Variants in DDHD2 observed in about 807,000 individuals in gnomAD.
The protein encoded by DDHD2 is DDHD domain containing 2.
Under a neutral mutation model 91.2 loss-of-function variants are expected in DDHD2, and 62 were observed. That is an observed-to-expected ratio of 0.68 (90% CI 0.55 to 0.84). The LOEUF (loss-of-function observed/expected upper bound fraction) is 0.84, where lower values mean the gene tolerates loss of function less well. DDHD2 is among the 40% of genes least tolerant of loss of function. DDHD2 has a pLI of 0.00. For missense variants in DDHD2, 740 were observed against 846.9 expected (o/e 0.87, Z 1.57); for synonymous variants, 271 against 293.9 (o/e 0.92, Z 0.80).
intron 10 of DDHD2, 95 bp downstream of exon 10, chr8:38,247,930 C>A: frequency 2.2e-6 from 2 of 920,646 alleles, no homozygotes; most frequent in Non-Finnish European, 1.6e-6. Flanking sequence ...ACTTTTTAGT[C>A]ATAAATACTT....
chr8:38,266,406 A>G (rs899955970), downstream of DDHD2: 13 of 1,179,386 alleles, frequency 1.1e-5, no homozygotes, highest in Middle Eastern at 2.9e-4. Flanking sequence ...GTATGTTTTT[A>G]TTTATTTATT....
At chr8:38,266,227 C>T (rs150786544), downstream of DDHD2, 5 of 1,613,814 alleles carry the variant, frequency 3.1e-6, no homozygotes, top group Non-Finnish European at 3.4e-6. Flanking sequence ...ACAGAACCTC[C>T]AAGATTTCCC....
At chr8:38,264,996 C>T (rs748888014), downstream of DDHD2, 9 of 1,307,190 alleles carry the variant, frequency 6.9e-6, no homozygotes, top group Admixed American at 5.0e-5. Context: ...TCGCCGGGCA[C>T]GGTGACTCAC....
downstream of DDHD2, chr8:38,264,316 A>G (rs1807262735): frequency 3.7e-6 from 3 of 815,890 alleles, no homozygotes; most frequent in Non-Finnish European, 5.2e-6. Context: ...TAATTTTTGT[A>G]TTTTTAGTAG....
At chr8:38,254,075 C>A (rs1259431916) in intron 16 of DDHD2, among the ~76,000 whole-genome samples, 80 of 133,490 alleles carry the variant, frequency 6.0e-4, no homozygotes, top group African/African-American at 7.2e-4. Flanking sequence ...GACCCTGTCT[C>A]AAAAAAAAAA....
intron 6 of DDHD2, among the ~76,000 whole-genome samples, 160 bp downstream of exon 6, chr8:38,240,524 G>A (rs1201405893): frequency 6.6e-6 from 1 of 152,170 alleles, no homozygotes; most frequent in East Asian, 1.9e-4. Context: ...TGAAGTGCTA[G>A]GAAATTCCTG....
At chr8:38,238,613 C>G in intron 5 of DDHD2, 3 of 988,482 alleles carry the variant, frequency 3.0e-6, no homozygotes, top group Non-Finnish European at 3.6e-6. Context: ...GGTAGGGTCA[C>G]TTATGGTTTT....
intron 1 of DDHD2, chr8:38,268,671 G>A (rs1309133860): frequency 4.9e-5 from 70 of 1,431,580 alleles, no homozygotes; most frequent in Admixed American, 5.7e-5. Flanking sequence ...CAGAGCGCCC[G>A]GGAAAACGTT....
chr8:38,256,839 C>T lies in DDHD2; in HGVS notation c.2054+3121C>T, dbSNP rs533524305. The stretch of plus-strand genomic sequence containing the variant: ...TATGGAAGTGTATTTTTAAAAGAAA[C>T]TGCCAAACTGTTTTGCCACCAGCAG... On this transcript the variant is annotated intron_variant, in intron 16 of 17. Transcript: ENST00000397166. Among the ~76,000 whole-genome samples the T allele has an allele frequency of 1.2e-4, 19 of 152,306 alleles. No individual in the cohort carries two copies. In the South Asian group the frequency reaches 3.1e-3, roughly 25 times the overall value.
downstream of DDHD2, chr8:38,266,998 T>G (rs1807716632): frequency 7.5e-7 from 1 of 1,334,978 alleles, no homozygotes; most frequent in Non-Finnish European, 9.6e-7. Context: ...AAAGGTATTT[T>G]TATTGCTAGT....
chr8:38,241,566 G>A lies in DDHD2; in HGVS notation c.713-684G>A, dbSNP rs549830350. Among the ~76,000 whole-genome samples, 7 of 151,570 alleles carry A rather than the reference G, an allele frequency of 4.6e-5. No individual in the cohort carries two copies. The South Asian group carries it at 6.3e-4, about 14-fold the overall frequency. ...CTCCTGAGTAGCTGGGATTACAGGCGCACACCACCATGCCTGGCTAATTTT... is the reference window on the plus strand; with the variant it reads ...CTCCTGAGTAGCTGGGATTACAGGCACACACCACCATGCCTGGCTAATTTT... On this transcript the variant is annotated intron_variant, in intron 6 of 17. Coordinates refer to ENST00000397166, the MANE Select transcript of DDHD2 (RefSeq NM_015214.3).
chr8:38,246,897 G>A (rs1460270365), intron 9 of DDHD2: 1 of 152,272 alleles, frequency 6.6e-6, no homozygotes, highest in Non-Finnish European at 1.5e-5. Flanking sequence ...GCTAAATGAA[G>A]TTTGCATATG....
chr8:38,254,624 C>T (rs142023013), intron 16 of DDHD2, among the ~76,000 whole-genome samples: 61 of 152,216 alleles, frequency 4.0e-4, no homozygotes, highest in African/African-American at 1.4e-3. Flanking sequence ...TCCACCTCTG[C>T]CTCCCAAAGT....
chr8:38,271,257 A>T (rs1331739367), exon 2 of DDHD2: 1 of 152,202 alleles, frequency 6.6e-6, no homozygotes, highest in Non-Finnish European at 1.5e-5. Flanking sequence ...AGTTTACAAA[A>T]CAATGCTTTC....
At chr8:38,233,294 C>CTTCAT in intron 2 of DDHD2, 80 bp downstream of exon 2, 1 of 1,110,512 alleles carries the variant, frequency 9.0e-7, no homozygotes, top group Non-Finnish European at 1.3e-6. Context: ...ATAGTGAGTG[C>CTTCAT]TATGAAAACC....
chr8:38,253,827 C>A, intron 16 of DDHD2, 109 bp downstream of exon 16: 3 of 1,174,246 alleles, frequency 2.6e-6, no homozygotes, highest in Non-Finnish European at 3.6e-6. Flanking sequence ...GGCTTATAAT[C>A]TCAGCACTTT....
chr8:38,252,680 T>C (rs766430514), intron 13 of DDHD2, 42 bp from the exon 14 acceptor site: 2 of 1,410,744 alleles, frequency 1.4e-6, no homozygotes, highest in South Asian at 2.4e-5. Context: ...TTCCAGACTG[T>C]GCTTAGCAGA....
chr8:38,247,583 T>G, intron 9 of DDHD2, 130 bp from the exon 10 acceptor site: 1 of 530,460 alleles, frequency 1.9e-6, no homozygotes. Flanking sequence ...AATTTATATC[T>G]TGCATAAATG....
At chr8:38,241,663 C>G (rs1417554459) in intron 6 of DDHD2, among the ~76,000 whole-genome samples, 1 of 151,830 alleles carries the variant, frequency 6.6e-6, no homozygotes, top group South Asian at 2.1e-4. Context: ...ATAAAATCCA[C>G]CTGCCTTGGC....
Sources: allele counts gnomAD v4.1 joint callset (sites outside exome capture counted in the v4.1 genomes callset), GRCh38; gene constraint gnomAD v4.1.1; transcripts MANE v1.5; gene names NCBI Gene and HGNC (gene_info 2026-07-23, HGNC 2026-07-21).